The following NTRK3 variants were observed in gnomAD, a reference collection of about 807,000 sequenced individuals.
The protein encoded by NTRK3 is neurotrophic receptor tyrosine kinase 3.
Under a neutral mutation model 91.7 loss-of-function variants are expected in NTRK3, and 24 were observed. The ratio of observed to expected loss-of-function variants is 0.26; its 90% CI spans 0.19 to 0.37. NTRK3 has a LOEUF of 0.37. Among genes scored for constraint, NTRK3 ranks in the 10% least tolerant of loss-of-function variants. The pLI, the probability that NTRK3 is intolerant of heterozygous loss-of-function variation, is 1.00. For missense variants in NTRK3, 880 were observed against 1,068.9 expected (o/e 0.82, Z 2.46); for synonymous variants, 483 against 404.0 (o/e 1.20, Z -2.34).
chr15:88,236,429 T>A (rs150390896), intron 3 of NTRK3, among the ~76,000 whole-genome samples: 2,815 of 149,802 alleles, frequency 0.019, 81 homozygotes, highest in African/African-American at 0.066. Flanking sequence ...TCCCAGCACT[T>A]TGGGAGACTG....
At chr15:88,113,440 T>G (rs1429159016) in intron 13 of NTRK3, among the ~76,000 whole-genome samples, 1 of 150,356 alleles carries the variant, frequency 6.7e-6, no homozygotes. Context: ...CTCAGCCTCC[T>G]GAGTAGCTGG....
chr15:87,895,656 C>T (rs2141604101), intron 17 of NTRK3, among the ~76,000 whole-genome samples: 1 of 152,222 alleles, frequency 6.6e-6, no homozygotes, highest in African/African-American at 2.4e-5. Flanking sequence ...GGGAGATAAT[C>T]AGCTAAGAGC....
chr15:88,042,172 C>T (rs1421817625), intron 13 of NTRK3, among the ~76,000 whole-genome samples: 1 of 152,182 alleles, frequency 6.6e-6, no homozygotes, highest in Non-Finnish European at 1.5e-5. Flanking sequence ...AGCAGGAACT[C>T]ATAAAACGGA....
intron 10 of NTRK3, among the ~76,000 whole-genome samples, chr15:88,129,921 G>A (rs374002523): frequency 1.3e-5 from 2 of 152,152 alleles, no homozygotes; most frequent in Non-Finnish European, 2.9e-5. Context: ...AAGGCCATTA[G>A]GGTGAGTCCT....
chr15:87,955,986 G>A (rs1471256070), intron 14 of NTRK3, among the ~76,000 whole-genome samples: 1 of 152,102 alleles, frequency 6.6e-6, no homozygotes, highest in African/African-American at 2.4e-5. Context: ...GAGTCACCCA[G>A]GAAATTTGAA....
intron 13 of NTRK3, among the ~76,000 whole-genome samples, chr15:88,121,595 T>C (rs931220513): frequency 2.0e-5 from 3 of 152,184 alleles, no homozygotes; most frequent in African/African-American, 7.2e-5. Context: ...AATGCTGAAA[T>C]ATTTTTATAT....
intron 3 of NTRK3, among the ~76,000 whole-genome samples, chr15:88,253,680 G>A (rs538291700): frequency 6.6e-6 from 1 of 152,330 alleles, no homozygotes; most frequent in East Asian, 1.9e-4. Flanking sequence ...CATTTCCCTT[G>A]TTCTTTGGTG....
At chr15:87,897,768 A>G (rs1259704808) in intron 17 of NTRK3, among the ~76,000 whole-genome samples, 1 of 152,176 alleles carries the variant, frequency 6.6e-6, no homozygotes, top group Non-Finnish European at 1.5e-5. Flanking sequence ...TTCAAATAAG[A>G]TTGACTTTAC....
At position 88,234,374 on chromosome 15, in the gene NTRK3, G is replaced by C. The variant is rs1046368413; in HGVS notation, c.248+21532C>G. Among the ~76,000 whole-genome samples the C allele has an allele frequency of 2.0e-5, 3 of 152,178 alleles. No homozygotes were observed. The highest frequency in any genetic ancestry group is 7.2e-5 in the African/African-American group (3 of 41,444). On this transcript the variant is annotated intron_variant, in intron 3 of 18. Transcript: ENST00000394480. This position sits in a 1 kb window ranked among gnomAD's most constrained non-coding sequence, Gnocchi z 6.1. ...CTAAACACTGGAAAGACAAAGATAA[G>C]CTGGACCAAACACCAGCCATCATTA... is the stretch of plus-strand genomic sequence containing the variant.
At chr15:88,145,851 G>T (rs915605112) in intron 6 of NTRK3, among the ~76,000 whole-genome samples, 1 of 151,614 alleles carries the variant, frequency 6.6e-6, no homozygotes, top group African/African-American at 2.4e-5. Flanking sequence ...ACAATCATGT[G>T]TTTTTTTTAA....
chr15:88,173,236 A>G (rs1252217864), intron 5 of NTRK3, among the ~76,000 whole-genome samples: 6 of 152,174 alleles, frequency 3.9e-5, no homozygotes, highest in Admixed American at 3.3e-4. Context: ...AGGAGGTGTC[A>G]GATGTTGAAG....
intron 14 of NTRK3, among the ~76,000 whole-genome samples, chr15:87,951,483 C>G (rs927855066): frequency 1.5e-4 from 23 of 152,154 alleles, no homozygotes; most frequent in South Asian, 4.1e-4. Context: ...TGGGCCGAGC[C>G]CTTAGACTTC....
intron 16 of NTRK3, among the ~76,000 whole-genome samples, chr15:87,929,823 A>G (rs1009289812): frequency 1.3e-5 from 2 of 152,136 alleles, no homozygotes; most frequent in Admixed American, 1.3e-4. Context: ...AATTCACTCA[A>G]TTTTCCCACC....
chr15:88,041,527 G>A (rs1368081499), intron 13 of NTRK3, among the ~76,000 whole-genome samples: 1 of 152,220 alleles, frequency 6.6e-6, no homozygotes, highest in Non-Finnish European at 1.5e-5. Flanking sequence ...GAAGCTTGAA[G>A]ATCCAGTGTG....
At chr15:88,244,673 G>A (rs908317997) in intron 3 of NTRK3, among the ~76,000 whole-genome samples, 1 of 152,194 alleles carries the variant, frequency 6.6e-6, no homozygotes, top group African/African-American at 2.4e-5. Context: ...CCCTCTTGTG[G>A]CTTTATATGG....
At chr15:88,191,528 C>T (rs775485339) in intron 3 of NTRK3, among the ~76,000 whole-genome samples, 21 of 152,212 alleles carry the variant, frequency 1.4e-4, no homozygotes, top group Non-Finnish European at 2.5e-4. Context: ...ACAGGTGTCC[C>T]TTCTCTCCAG....
chr15:88,022,874 T>A (rs1375117128), intron 14 of NTRK3, among the ~76,000 whole-genome samples: 1 of 152,128 alleles, frequency 6.6e-6, no homozygotes, highest in Non-Finnish European at 1.5e-5. Flanking sequence ...TAACTTTGAG[T>A]ATGTGATTAT....
chr15:88,015,787 C>T (rs1010927037), intron 14 of NTRK3, among the ~76,000 whole-genome samples: 4 of 152,134 alleles, frequency 2.6e-5, no homozygotes, highest in African/African-American at 9.7e-5. Context: ...CATCTTTGTA[C>T]TCAGTTTTTC....
rs574735874 is a variant in NTRK3, at chr15:88,106,647, A to G, written c.1396+19624T>C. Among the ~76,000 whole-genome samples, 19 of 152,264 alleles carry G rather than the reference A, an allele frequency of 1.2e-4. 1 individual carries two copies. The highest frequency in any genetic ancestry group is 4.6e-4 in the African/African-American group (19 of 41,546). On this transcript the variant is annotated intron_variant, in intron 13 of 18. Coordinates refer to ENST00000394480, the Ensembl canonical transcript of NTRK3. ...AGTGTACATTTAAAATATGTATGAG[A>G]ATGGGCCAGGCATGTGGCTCATGCC...
Sources: allele counts gnomAD v4.1 joint callset (sites outside exome capture counted in the v4.1 genomes callset), GRCh38; gene constraint gnomAD v4.1.1; non-coding constraint Gnocchi (gnomAD v3.1); transcripts MANE v1.5; gene names NCBI Gene and HGNC (gene_info 2026-07-23, HGNC 2026-07-21).